KLRD1: variants seen among roughly 807,000 people sequenced by gnomAD.
KLRD1 encodes the protein killer cell lectin like receptor D1.
KLRD1 carries 21 observed loss-of-function variants against 22.6 expected under a neutral mutation model. The observed-to-expected ratio is 0.93, with a 90% CI of 0.66 to 1.34. KLRD1 has a LOEUF of 1.34. Ranked by LOEUF, KLRD1 falls within the 40% of genes most tolerant of loss-of-function variation. The pLI is 0.00. For synonymous variants in KLRD1, 59 were observed against 71.1 expected, an observed-to-expected ratio of 0.83 and a Z score of 0.85; for missense variants, 183 against 208.6, an observed-to-expected ratio of 0.88 and a Z score of 0.76.
chr12:10,284,823 A>T (rs1949684748), intron 1 of KLRD1, among the ~76,000 whole-genome samples: 1 of 152,132 alleles, frequency 6.6e-6, no homozygotes, highest in South Asian at 2.1e-4. Flanking sequence ...CTCTACTAAA[A>T]ATACAAAATT....
At chr12:10,290,813 A>G (rs1431965685) in intron 1 of KLRD1, among the ~76,000 whole-genome samples, 3 of 152,106 alleles carry the variant, frequency 2.0e-5, no homozygotes, top group Non-Finnish European at 4.4e-5. Flanking sequence ...TACACATGAT[A>G]AAACTGCATA....
intron 1 of KLRD1, among the ~76,000 whole-genome samples, chr12:10,261,177 A>G (rs1949450688): frequency 6.6e-6 from 1 of 152,328 alleles, no homozygotes; most frequent in East Asian, 1.9e-4. Context: ...AAAGTTATTC[A>G]AAGTGAAGTC....
chr12:10,244,269 C>T (rs1383883560), intron 1 of KLRD1, among the ~76,000 whole-genome samples: 1 of 152,032 alleles, frequency 6.6e-6, no homozygotes, highest in African/African-American at 2.4e-5. Context: ...AAGCAAACGC[C>T]TAAACAGAGC....
chr12:10,276,470 T>C (rs1949593063), intron 1 of KLRD1, among the ~76,000 whole-genome samples: 1 of 152,188 alleles, frequency 6.6e-6, no homozygotes, highest in Non-Finnish European at 1.5e-5. Context: ...TTAAGGGCAG[T>C]GATCAAAATT....
At chr12:10,239,434 T>TTTCCTTCCTTCC (rs1190408287) in intron 1 of KLRD1, among the ~76,000 whole-genome samples, 2,072 of 41,428 alleles carry the variant, frequency 0.05, 231 homozygotes, top group Admixed American at 0.065. Flanking sequence ...CCTTCCTTCC[T>TTTCCTTCCTTCC]TTCCTTCCTT....
intron 1 of KLRD1, among the ~76,000 whole-genome samples, chr12:10,284,127 A>T (rs1298058209): frequency 6.6e-6 from 1 of 152,038 alleles, no homozygotes; most frequent in East Asian, 1.9e-4. Context: ...TGGAGGTTGC[A>T]GTGAGCCCAG....
At chr12:10,300,837 A>G (rs1949860428), upstream of KLRD1, among the ~76,000 whole-genome samples, 1 of 152,248 alleles carries the variant, frequency 6.6e-6, no homozygotes, top group East Asian at 1.9e-4. Flanking sequence ...TACAGCTTCT[A>G]TATCAGCACT....
At chr12:10,291,913 T>C (rs1949774159) in intron 1 of KLRD1, among the ~76,000 whole-genome samples, 2 of 152,132 alleles carry the variant, frequency 1.3e-5, no homozygotes, top group South Asian at 4.1e-4. Context: ...TGTTCCTGTA[T>C]TAGTTTGCTA....
chr12:10,306,764 T>A (rs10845105), upstream of KLRD1, among the ~76,000 whole-genome samples: 2 of 152,246 alleles, frequency 1.3e-5, no homozygotes, highest in Non-Finnish European at 2.9e-5. Context: ...AACAAATTTG[T>A]TGGTGCAATG....
At chr12:10,301,970 A>G (rs1163172819), upstream of KLRD1, among the ~76,000 whole-genome samples, 3 of 152,228 alleles carry the variant, frequency 2.0e-5, no homozygotes, top group Non-Finnish European at 4.4e-5. Context: ...ACAGCTGGTC[A>G]GTGGAGCAGA....
intron 1 of KLRD1, among the ~76,000 whole-genome samples, chr12:10,264,642 C>A (rs1949483305): frequency 6.6e-6 from 1 of 151,254 alleles, no homozygotes; most frequent in Non-Finnish European, 1.5e-5. Flanking sequence ...ATAATTCCCA[C>A]AAGCAACTTA....
upstream of KLRD1, chr12:10,307,707 T>C (rs1949955329): frequency 5.7e-6 from 1 of 176,022 alleles, no homozygotes; most frequent in Non-Finnish European, 1.2e-5. Context: ...AAAATGAATT[T>C]GATTTTCAAA....
rs1397212198 is a variant in KLRD1 at position 10,324,816 on chromosome 12, G to GTATATA, written c.*10024_*10025insATATAT. On this transcript the variant is annotated 3_prime_UTR_variant, in exon 6 of 6. Transcript: ENST00000336164. Reference sequence around the variant, plus strand: ...TAAGTATATATGTATATGTGTGTGTGTGTATATATATATATATATATATAT... The same window carrying GTATATA: ...TAAGTATATATGTATATGTGTGTGTGTATATATGTATATATATATATATATATATAT... 57 of 16,636 alleles carry GTATATA rather than the reference G, an allele frequency of 3.4e-3. No homozygotes were observed. The highest frequency in any genetic ancestry group is 4.5e-3 in the African/African-American group (54 of 11,978). 1.0% of individuals were successfully genotyped at this position (16,636 alleles called of 1,614,324 possible).
rs1291039891 is a variant in KLRD1, at chr12:10,314,814, G to A, written c.*21G>A. 3 of 1,596,170 alleles carry A rather than the reference G, an allele frequency of 1.9e-6. No individual in the cohort carries two copies. The highest frequency in any genetic ancestry group is 1.1e-5 in the South Asian group (1 of 87,452). ...TTTAAATGTTTCTTGGGGCAGAGAA[G>A]GTGGAGAGTAAAGACCCAACATTAC... On this transcript the variant is annotated 3_prime_UTR_variant, in exon 6 of 6. Coordinates refer to ENST00000336164, the MANE Select transcript of KLRD1 (RefSeq NM_002262.5).
chr12:10,259,563 T>C (rs1949429499), intron 1 of KLRD1, among the ~76,000 whole-genome samples: 2 of 152,256 alleles, frequency 1.3e-5, no homozygotes, highest in African/African-American at 4.8e-5. Context: ...ACATTATTTA[T>C]GGTTTCATAT....
At chr12:10,301,229 G>A (rs987686376), upstream of KLRD1, among the ~76,000 whole-genome samples, 2 of 152,160 alleles carry the variant, frequency 1.3e-5, no homozygotes, top group African/African-American at 2.4e-5. Context: ...GATAATGTAG[G>A]CCTTGTCAGA....
chr12:10,288,620 G>A lies in KLRD1; in HGVS notation c.-100-19358G>A, dbSNP rs189616077. Among the ~76,000 whole-genome samples the A allele has an allele frequency of 1.8e-3, 273 of 152,156 alleles. 1 individual carries two copies. The highest frequency in any genetic ancestry group is 3.4e-3 in the Middle Eastern group (1 of 294). On this transcript the variant is annotated intron_variant, in intron 1 of 5. Transcript: ENST00000544747. ...GAACTATTACTATCAATATCATAGGGTTTATGAAGATTAGATGAAGTAAAA... is the reference window on the plus strand; with the variant it reads ...GAACTATTACTATCAATATCATAGGATTTATGAAGATTAGATGAAGTAAAA...
chr12:10,249,474 G>T (rs933663905), intron 1 of KLRD1, among the ~76,000 whole-genome samples: 13 of 152,106 alleles, frequency 8.5e-5, no homozygotes, highest in African/African-American at 2.9e-4. Flanking sequence ...GTAGATTAGG[G>T]AATTCAACTG....
rs1436526610 is a variant in KLRD1, at chr12:10,316,824, G to A, written c.*2031G>A. On this transcript the variant is annotated 3_prime_UTR_variant, in exon 6 of 6. Transcript: ENST00000336164. ...TTACATGTGCAGAACCTGCAGGTTT[G>A]TTACATAGGTATACATGTTCCAAGG... 6.6e-6 allele frequency: 1 copy of A among 152,122 alleles called. No individual in the cohort carries two copies. Among genetic ancestry groups the A allele is most frequent in the Non-Finnish European group, 1.5e-5 (1 of 68,036 alleles). The allele number at this position is 152,122 out of a possible 1,614,324, so 9.4% of individuals were successfully genotyped here.
Sources: allele counts gnomAD v4.1 joint callset (sites outside exome capture counted in the v4.1 genomes callset), GRCh38; gene constraint gnomAD v4.1.1; transcripts MANE v1.5; gene names NCBI Gene and HGNC (gene_info 2026-07-23, HGNC 2026-07-21).